Variants in CADPS2 observed in about 807,000 individuals in gnomAD.
The protein encoded by CADPS2 is calcium dependent secretion activator 2.
CADPS2 carries 93 observed loss-of-function variants against 172.5 expected under a neutral mutation model. The ratio of observed to expected loss-of-function variants is 0.54; its 90% CI spans 0.46 to 0.64. CADPS2 has a LOEUF of 0.64. Ranked by LOEUF, CADPS2 falls within the 30% of genes least tolerant of loss-of-function variation. The pLI is 0.00. For missense variants in CADPS2, 1,420 were observed against 1,565.9 expected, an observed-to-expected ratio of 0.91 and a Z score of 1.57; for synonymous variants, 546 against 555.2, an observed-to-expected ratio of 0.98 and a Z score of 0.23.
intron 9 of CADPS2, among the ~76,000 whole-genome samples, chr7:122,495,555 T>C (rs1241444464): frequency 1.3e-5 from 2 of 152,222 alleles, no homozygotes; most frequent in African/African-American, 4.8e-5. Context: ...ACCACTATCC[T>C]AGTGATGTCC....
intron 20 of CADPS2, among the ~76,000 whole-genome samples, chr7:122,404,355 G>A (rs2046359898): frequency 6.6e-6 from 1 of 152,118 alleles, no homozygotes; most frequent in South Asian, 2.1e-4. Flanking sequence ...AGTATTCCAT[G>A]GTGTATATGG....
chr7:122,523,057 C>T (rs528932326), intron 8 of CADPS2, among the ~76,000 whole-genome samples: 2 of 152,214 alleles, frequency 1.3e-5, no homozygotes, highest in African/African-American at 4.8e-5. Flanking sequence ...CTTTGATTCA[C>T]TGATTTCTGT....
At chr7:122,826,008 C>T (rs935747615) in intron 1 of CADPS2, among the ~76,000 whole-genome samples, 8 of 152,194 alleles carry the variant, frequency 5.3e-5, no homozygotes, top group African/African-American at 1.7e-4. Context: ...TAACAAGATC[C>T]TACCACCTCC....
intron 28 of CADPS2, among the ~76,000 whole-genome samples, chr7:122,343,272 G>A (rs995139071): frequency 1.6e-4 from 25 of 152,074 alleles, no homozygotes; most frequent in Non-Finnish European, 2.9e-4. Context: ...GTGTTCTACC[G>A]GGGATATTCA....
intron 7 of CADPS2, among the ~76,000 whole-genome samples, chr7:122,577,860 G>A (rs2068247878): frequency 6.6e-6 from 1 of 151,850 alleles, no homozygotes; most frequent in Non-Finnish European, 1.5e-5. Flanking sequence ...GTGTACAGTG[G>A]TATCTTGCTG....
chr7:122,815,181 A>T (rs547094921), intron 1 of CADPS2, among the ~76,000 whole-genome samples: 2 of 152,186 alleles, frequency 1.3e-5, no homozygotes, highest in Non-Finnish European at 2.9e-5. Flanking sequence ...ACTCCTGCAC[A>T]TCATTAAAAT....
chr7:122,663,296 A>T lies in CADPS2; in HGVS notation c.727T>A (p.Phe243Ile). The stretch of plus-strand genomic sequence containing the variant: ...TTTTTAATACCCAGAATCTGCTGAA[A>T]CATTTCATAGAGTTGTTCCTTGCTC... ...ILSKEQLYEM[F>I]QQILGIKKLE... The change falls in exon 3 of 30, where the codon TTT becomes ATT. Residue 243 changes from phenylalanine to isoleucine, a missense_variant. Transcript: ENST00000449022. The T allele has an allele frequency of 6.2e-7, 1 of 1,613,906 alleles. No homozygotes were observed. Among genetic ancestry groups the T allele is most frequent in the South Asian group, 1.1e-5 (1 of 91,078 alleles).
At chr7:122,476,973 C>T (rs1308232057) in intron 12 of CADPS2, among the ~76,000 whole-genome samples, 7 of 14,786 alleles carry the variant, frequency 4.7e-4, no homozygotes, top group East Asian at 3.2e-3. Flanking sequence ...AATGGGGTGG[C>T]GGGAAGGGGG....
rs1341856833 is a variant in CADPS2 at position 122,379,407 on chromosome 7, G to A, written c.3348C>T (p.Asp1116=). The change falls in exon 25 of 30, where the codon GAC becomes GAT. Residue 1116 remains aspartate (D), a synonymous_variant. Transcript: ENST00000449022. The part of the protein sequence containing the change: ...QYHSKIDDLI[D]NSVKEIISLL... ...GTGAAATGATTTCTTTTACACTGTT[G>A]TCGATCAGATCATCTATTTTTGAAT... The A allele has an allele frequency of 6.2e-7, 1 of 1,603,206 alleles. No individual in the cohort carries two copies. The highest frequency in any genetic ancestry group is 1.1e-5 in the South Asian group (1 of 90,304).
intron 2 of CADPS2, among the ~76,000 whole-genome samples, chr7:122,722,665 C>CTTTCTTCACAGAA (rs1554359084): frequency 0.8 from 4,137 of 5,200 alleles, 2,032 homozygotes; most frequent in Middle Eastern, 1. Flanking sequence ...CTACCAATGA[C>CTTTCTTCACAGAA]TTGGAAAAAA....
chr7:122,400,116 T>C (rs1036703549), intron 20 of CADPS2, among the ~76,000 whole-genome samples: 3 of 151,922 alleles, frequency 2.0e-5, no homozygotes, highest in Non-Finnish European at 4.4e-5. Context: ...CAGATTAAAA[T>C]TTTTAAAAAG....
chr7:122,626,192 A>C (rs188970709), intron 4 of CADPS2, among the ~76,000 whole-genome samples: 1 of 152,242 alleles, frequency 6.6e-6, no homozygotes, highest in African/African-American at 2.4e-5. Flanking sequence ...TTTTTTTCTC[A>C]GCAACATAGG....
rs187727078 is a variant in CADPS2 at position 122,390,201 on chromosome 7, G to C, written c.3009-1463C>G. 6.3e-4 allele frequency among the ~76,000 whole-genome samples: 96 copies of C among 151,890 alleles called. 1 individual carries two copies. Among genetic ancestry groups the C allele is most frequent in the Non-Finnish European group, 1.2e-3 (80 of 67,974 alleles). On this transcript the variant is annotated intron_variant, in intron 22 of 29. Coordinates refer to ENST00000449022, the MANE Select transcript of CADPS2 (RefSeq NM_017954.11). The stretch of plus-strand genomic sequence containing the variant: ...CTTTACTCACTTAAATCTCTTCACC[G>C]TAATATTCAGTGCCTCAAATGCACC...
At chr7:122,396,302 T>A (rs2045120067) in intron 20 of CADPS2, among the ~76,000 whole-genome samples, 2 of 152,174 alleles carry the variant, frequency 1.3e-5, no homozygotes, top group Admixed American at 1.3e-4. Context: ...ATCCTTAATA[T>A]CTTTCAGTAA....
At chr7:122,540,958 G>A (rs1198112796) in intron 8 of CADPS2, among the ~76,000 whole-genome samples, 5 of 151,522 alleles carry the variant, frequency 3.3e-5, no homozygotes, top group African/African-American at 9.7e-5. Flanking sequence ...TGACTTTTAC[G>A]GTCTGAACAC....
chr7:122,376,697 C>T (rs1338776771), intron 25 of CADPS2, among the ~76,000 whole-genome samples: 1 of 152,062 alleles, frequency 6.6e-6, no homozygotes, highest in Non-Finnish European at 1.5e-5. Context: ...GAGGATTGAT[C>T]TTATGTGACT....
At chr7:122,753,466 T>C (rs1201871440) in intron 1 of CADPS2, among the ~76,000 whole-genome samples, 1 of 152,190 alleles carries the variant, frequency 6.6e-6, no homozygotes, top group Non-Finnish European at 1.5e-5. Flanking sequence ...TCAGCAAATA[T>C]TTATTGAGAA....
chr7:122,463,232 T>C (rs1282555610), intron 14 of CADPS2, among the ~76,000 whole-genome samples: 1 of 152,138 alleles, frequency 6.6e-6, no homozygotes, highest in Non-Finnish European at 1.5e-5. Flanking sequence ...TGATAAAGAA[T>C]TGGTATCACA....
chr7:122,381,983 G>A (rs776386849), intron 24 of CADPS2, among the ~76,000 whole-genome samples: 11 of 152,134 alleles, frequency 7.2e-5, no homozygotes, highest in Non-Finnish European at 1.2e-4. Context: ...TTCAGAATCT[G>A]CTCTGGCTGT....
Sources: allele counts gnomAD v4.1 joint callset (sites outside exome capture counted in the v4.1 genomes callset), GRCh38; gene constraint gnomAD v4.1.1; transcripts MANE v1.5; gene names NCBI Gene and HGNC (gene_info 2026-07-23, HGNC 2026-07-21).